The following C12orf76 variants were observed in gnomAD, a reference collection of about 807,000 sequenced individuals.
The protein encoded by C12orf76 is uncharacterized protein C12orf76.
Under a neutral mutation model 6.8 loss-of-function variants are expected in C12orf76, and 6 were observed. The observed-to-expected ratio is 0.88, with a 90% confidence interval of 0.48 to 1.73. C12orf76 has a LOEUF of 1.73. C12orf76 is among the 40% of genes most tolerant of loss of function. The pLI is 0.01. For synonymous variants in C12orf76, 56 were observed against 43.7 expected (o/e 1.28, Z -1.11); for missense variants, 99 against 98.2 (o/e 1.01, Z -0.03).
At chr12:110,072,142 G>A (rs73205059), upstream of C12orf76, among the ~76,000 whole-genome samples, 12,316 of 152,178 alleles carry the variant, frequency 0.081, 521 homozygotes, top group African/African-American at 0.095. Flanking sequence ...GGAATGAAGT[G>A]TCAGCCAGGT....
At chr12:110,046,234 T>C (rs1892445706) in intron 1 of C12orf76, among the ~76,000 whole-genome samples, 1 of 152,170 alleles carries the variant, frequency 6.6e-6, no homozygotes, top group African/African-American at 2.4e-5. Flanking sequence ...GAGACCATCC[T>C]GGCCAACATG....
chr12:110,051,517 C>G (rs1892576060), upstream of C12orf76, among the ~76,000 whole-genome samples: 1 of 150,616 alleles, frequency 6.6e-6, no homozygotes, highest in Non-Finnish European at 1.5e-5. Context: ...ACCTCCGCCC[C>G]CTAGGTTGAA....
intron 1 of C12orf76, among the ~76,000 whole-genome samples, chr12:110,043,243 A>C (rs1892362199): frequency 6.6e-6 from 1 of 152,096 alleles, no homozygotes; most frequent in African/African-American, 2.4e-5. Flanking sequence ...GCAGGAAATC[A>C]GGCCAGAAAG....
exon 3 of C12orf76, chr12:110,059,137 T>C: frequency 6.5e-7 from 1 of 1,547,428 alleles, no homozygotes; most frequent in Non-Finnish European, 8.7e-7. Context: ...GAATTATTTT[T>C]CCAATTTCCT....
At chr12:110,070,721 T>A (rs145526297), upstream of C12orf76, among the ~76,000 whole-genome samples, 1 of 152,214 alleles carries the variant, frequency 6.6e-6, no homozygotes, top group African/African-American at 2.4e-5. Context: ...ATTGGTCCTA[T>A]GATAGCTGCT....
rs1257363093 is a variant in C12orf76 at position 110,041,354 on chromosome 12, A to G, written c.*1020T>C. On this transcript the variant is annotated 3_prime_UTR_variant, in exon 2 of 2. Transcript: ENST00000615315. ...CAGTGCTGTGCTTGAACACAAGATA[A>G]GCATTTCAATTTAATAACAAAATTA... is the stretch of plus-strand genomic sequence containing the variant. 1 of 152,662 alleles carries G rather than the reference A, an allele frequency of 6.6e-6. No individual in the cohort carries two copies. The highest frequency in any genetic ancestry group is 1.9e-4 in the East Asian group (1 of 5,206). 9.5% of individuals were successfully genotyped at this position (152,662 alleles called of 1,614,324 possible). A position where few individuals can be genotyped will look rare whatever the true frequency, so the allele number is the denominator to read the frequency against.
intron 2 of C12orf76, among the ~76,000 whole-genome samples, chr12:110,061,933 G>T (rs1298836099): frequency 6.6e-6 from 1 of 152,078 alleles, no homozygotes; most frequent in South Asian, 2.1e-4. Context: ...TTGGACAAGT[G>T]ACTTAACCTT....
intron 1 of C12orf76, among the ~76,000 whole-genome samples, chr12:110,043,784 G>A (rs748585789): frequency 2.4e-4 from 37 of 151,902 alleles, no homozygotes; most frequent in Non-Finnish European, 3.8e-4. Context: ...GAACCCAGGA[G>A]GCAGAGGTTG....
upstream of C12orf76, among the ~76,000 whole-genome samples, chr12:110,072,163 A>T (rs1892967037): frequency 6.6e-6 from 1 of 152,184 alleles, no homozygotes; most frequent in African/African-American, 2.4e-5. Flanking sequence ...ATGGTGGCTC[A>T]CGCCTGTAAT....
At chr12:110,052,172 AG>A (rs1892588651), upstream of C12orf76, among the ~76,000 whole-genome samples, 1 of 150,232 alleles carries the variant, frequency 6.7e-6, no homozygotes. Flanking sequence ...CTGGGATTAC[AG>A]GCATGAGCCA....
intron 1 of C12orf76, among the ~76,000 whole-genome samples, chr12:110,066,367 T>TAAAAA (rs71079598): frequency 1.3e-4 from 2 of 15,296 alleles, no homozygotes; most frequent in African/African-American, 5.5e-4. Context: ...AGACTCCATC[T>TAAAAA]AAAAAAAAAA....
intron 1 of C12orf76, among the ~76,000 whole-genome samples, chr12:110,046,793 G>A (rs1241391209): frequency 6.6e-6 from 1 of 152,162 alleles, no homozygotes; most frequent in Non-Finnish European, 1.5e-5. Context: ...GCGTACCGTG[G>A]ACATTTGGCA....
At chr12:110,046,535 A>G (rs1892452441) in intron 1 of C12orf76, among the ~76,000 whole-genome samples, 1 of 152,268 alleles carries the variant, frequency 6.6e-6, no homozygotes, top group African/African-American at 2.4e-5. Context: ...CCAGACCACT[A>G]CATAGCCCTA....
At chr12:110,057,177 T>C (rs755869854) in intron 4 of C12orf76, 1 of 1,589,278 alleles carries the variant, frequency 6.3e-7, no homozygotes, top group South Asian at 1.1e-5. Flanking sequence ...TAAGTGACTT[T>C]CGCAGACTTA....
At chr12:110,045,350 G>GTGTGATCC (rs1892422536) in intron 1 of C12orf76, among the ~76,000 whole-genome samples, 2 of 150,854 alleles carry the variant, frequency 1.3e-5, no homozygotes, top group East Asian at 4.0e-4. Context: ...CCCAGTGAGA[G>GTGTGATCC]GCCAAGGCGG....
intron 2 of C12orf76, among the ~76,000 whole-genome samples, chr12:110,063,963 T>C (rs1159446483): frequency 6.6e-6 from 1 of 152,106 alleles, no homozygotes; most frequent in Non-Finnish European, 1.5e-5. Context: ...TGGAAGTGAC[T>C]TTTCCCCAGA....
chr12:110,055,865 G>C (rs1017152152), intron 4 of C12orf76, among the ~76,000 whole-genome samples: 3 of 152,058 alleles, frequency 2.0e-5, no homozygotes, highest in African/African-American at 7.2e-5. Flanking sequence ...TCAAGTGCAG[G>C]GTCTGCAAAA....
chr12:110,043,485 G>A (rs1892369932), intron 1 of C12orf76, among the ~76,000 whole-genome samples: 1 of 152,148 alleles, frequency 6.6e-6, no homozygotes, highest in Non-Finnish European at 1.5e-5. Flanking sequence ...AAAACCTGGA[G>A]ATTCAATAAA....
intron 2 of C12orf76, among the ~76,000 whole-genome samples, chr12:110,060,951 C>A (rs923100595): frequency 1.3e-5 from 2 of 152,070 alleles, no homozygotes; most frequent in Non-Finnish European, 2.9e-5. Flanking sequence ...AGGAGAATCA[C>A]TTGAGCCCGG....
Sources: gnomAD v4.1 joint callset for allele counts (sites outside exome capture counted in the v4.1 genomes callset) on GRCh38, gnomAD v4.1.1 for gene constraint, MANE v1.5 for transcripts, NCBI Gene and HGNC (gene_info 2026-07-23, HGNC 2026-07-21) for gene names.